SAMD5: variants seen among roughly 807,000 people sequenced by gnomAD.
SAMD5 encodes the protein sterile alpha motif domain-containing protein 5.
SAMD5 carries 13 observed loss-of-function variants against 11.3 expected under a neutral mutation model. The ratio of observed to expected loss-of-function variants is 1.15; its 90% CI spans 0.75 to 1.83. The LOEUF (loss-of-function observed/expected upper bound fraction) is 1.83. Ranked by LOEUF, SAMD5 falls within the 40% of genes most tolerant of loss-of-function variation. The pLI is 0.00. For synonymous variants in SAMD5, 129 were observed against 111.3 expected, an observed-to-expected ratio of 1.16 and a Z score of -1.00; for missense variants, 255 against 239.1, an observed-to-expected ratio of 1.07 and a Z score of -0.44.
the SAMD5 span, among the ~76,000 whole-genome samples, chr6:147,877,859 C>CACACACACAT: frequency 7.2e-6 from 1 of 139,334 alleles, no homozygotes; most frequent in South Asian, 2.2e-4. Context: ...CACACACACA[C>CACACACACAT]ACACACACAC....
chr6:147,715,945 G>A (rs1248008222), intron 1 of SAMD5, among the ~76,000 whole-genome samples: 2 of 152,134 alleles, frequency 1.3e-5, no homozygotes, highest in Non-Finnish European at 2.9e-5. Flanking sequence ...GTGCTGATTG[G>A]TCCATGGGTG....
chr6:147,750,580 C>T, the SAMD5 span, among the ~76,000 whole-genome samples: 1 of 152,196 alleles, frequency 6.6e-6, no homozygotes, highest in Non-Finnish European at 1.5e-5. Flanking sequence ...CCAGGCTTCT[C>T]ACAGTTTGAT....
At chr6:147,680,940 A>G (rs1449139013) in intron 1 of SAMD5, among the ~76,000 whole-genome samples, 1 of 152,108 alleles carries the variant, frequency 6.6e-6, no homozygotes, top group Non-Finnish European at 1.5e-5. Context: ...CTTGAATGAT[A>G]TTGATCTTTA....
the SAMD5 span, among the ~76,000 whole-genome samples, chr6:147,843,190 G>A: frequency 5.3e-4 from 80 of 152,220 alleles, no homozygotes; most frequent in Middle Eastern, 0.017. Flanking sequence ...TAAAACATAT[G>A]ATAACTGTAT....
At chr6:147,584,748 T>G (rs12661250) in intron 1 of SAMD5, among the ~76,000 whole-genome samples, 7,055 of 152,336 alleles carry the variant, frequency 0.046, 250 homozygotes, top group South Asian at 0.15. Context: ...GGGTATGTAT[T>G]GTCCTTTAGA....
At chr6:147,545,058 G>A (rs1011672281) in intron 1 of SAMD5, among the ~76,000 whole-genome samples, 58 of 152,234 alleles carry the variant, frequency 3.8e-4, no homozygotes, top group African/African-American at 1.3e-3. Flanking sequence ...GATTCAAAAT[G>A]CACCCAGTAA....
the SAMD5 span, among the ~76,000 whole-genome samples, chr6:147,894,413 C>T: frequency 6.6e-6 from 1 of 152,140 alleles, no homozygotes; most frequent in South Asian, 2.1e-4. Context: ...TGAGCCACCA[C>T]ATCCAGCCTA....
intron 1 of SAMD5, among the ~76,000 whole-genome samples, chr6:147,667,405 A>G (rs1790738273): frequency 6.6e-6 from 1 of 152,190 alleles, no homozygotes; most frequent in Non-Finnish European, 1.5e-5. Flanking sequence ...GCAGTTTTAC[A>G]AAAAGGCGTT....
At chr6:147,916,422 C>T in the SAMD5 span, among the ~76,000 whole-genome samples, 1 of 152,086 alleles carries the variant, frequency 6.6e-6, no homozygotes, top group Admixed American at 6.5e-5. Flanking sequence ...CTGTTGTTTC[C>T]TGACTTTTTA....
the SAMD5 span, among the ~76,000 whole-genome samples, chr6:147,779,031 C>A: frequency 6.6e-6 from 1 of 151,144 alleles, no homozygotes; most frequent in Non-Finnish European, 1.5e-5. Flanking sequence ...ATCATGTGAC[C>A]AAAACATGTC....
At chr6:147,889,634 C>T in the SAMD5 span, among the ~76,000 whole-genome samples, 1 of 152,168 alleles carries the variant, frequency 6.6e-6, no homozygotes, top group Non-Finnish European at 1.5e-5. Context: ...AGGATTCTTT[C>T]CCATTACGGA....
At chr6:147,523,013 A>T (rs73002110) in intron 1 of SAMD5, among the ~76,000 whole-genome samples, 1 of 152,030 alleles carries the variant, frequency 6.6e-6, no homozygotes, top group Non-Finnish European at 1.5e-5. Context: ...TAGTTGAGGA[A>T]ATTCCTCCCA....
chr6:147,916,619 A>G, the SAMD5 span, among the ~76,000 whole-genome samples: 2 of 151,950 alleles, frequency 1.3e-5, no homozygotes, highest in Non-Finnish European at 2.9e-5. Context: ...GGTTAGTTAC[A>G]TATGTATGCA....
chr6:147,636,228 A>T (rs1475399917), intron 1 of SAMD5, among the ~76,000 whole-genome samples: 1 of 152,180 alleles, frequency 6.6e-6, no homozygotes, highest in African/African-American at 2.4e-5. Flanking sequence ...TGAGGAGAGG[A>T]TATTATGACA....
rs901016913 is a variant in SAMD5, at chr6:147,618,480, T to G, written c.162+109093T>G. On this transcript the variant is annotated intron_variant, in intron 1 of 1. Transcript: ENST00000566741. The stretch of plus-strand genomic sequence containing the variant: ...GGGGCATCTCTGGGAAGTAGGCTGG[T>G]CCTACAAGAGTACTTTGCAGCCAGT... Among the ~76,000 whole-genome samples, 38 of 152,176 alleles carry G rather than the reference T, an allele frequency of 2.5e-4. 1 individual carries two copies. Among genetic ancestry groups the G allele is most frequent in the Non-Finnish European group, 1.0e-4 (7 of 68,032 alleles).
At chr6:147,947,385 T>C in the SAMD5 span, 5 of 152,214 alleles carry the variant, frequency 3.3e-5, no homozygotes, top group African/African-American at 1.2e-4. Flanking sequence ...ATACTGGCAA[T>C]ACAGGAGCTA....
At chr6:147,639,571 C>A (rs150687456) in intron 1 of SAMD5, among the ~76,000 whole-genome samples, 1 of 152,196 alleles carries the variant, frequency 6.6e-6, no homozygotes, top group Non-Finnish European at 1.5e-5. Context: ...CCATCCTCCC[C>A]TGTCCCAGCA....
intron 1 of SAMD5, among the ~76,000 whole-genome samples, chr6:147,685,202 C>G (rs994014035): frequency 5.3e-5 from 8 of 152,048 alleles, no homozygotes; most frequent in African/African-American, 1.7e-4. Flanking sequence ...GTTTTGTTTT[C>G]TTTTTCTGTT....
chr6:147,646,972 TAATAA>T (rs1562342132), intron 1 of SAMD5, among the ~76,000 whole-genome samples: 12 of 13,600 alleles, frequency 8.8e-4, no homozygotes, highest in African/African-American at 3.4e-3. Context: ...ACCTCATCTC[TAATAA>T]TAATAATAAT....
Sources: gnomAD v4.1 joint callset for allele counts (sites outside exome capture counted in the v4.1 genomes callset) on GRCh38, gnomAD v4.1.1 for gene constraint, MANE v1.5 for transcripts, NCBI Gene and HGNC (gene_info 2026-07-23, HGNC 2026-07-21) for gene names.